The following UBE3A variants were observed in gnomAD, a reference collection of about 807,000 sequenced individuals.
The protein encoded by UBE3A is ubiquitin protein ligase E3A, also known as ubiquitin-protein ligase E3A.
In UBE3A, 6 loss-of-function variants were observed where a neutral mutation model predicts 83.4. The observed-to-expected ratio is 0.07, with a 90% CI of 0.04 to 0.14. The LOEUF (loss-of-function observed/expected upper bound fraction) is 0.14, where lower values mean the gene tolerates loss of function less well. Ranked by LOEUF, UBE3A falls within the 10% of genes least tolerant of loss-of-function variation. UBE3A has a pLI of 1.00. For synonymous variants in UBE3A, 337 were observed against 355.4 expected (o/e 0.95, Z 0.58); for missense variants, 456 against 1,036.1 (o/e 0.44, Z 7.69).
At chr15:25,387,920 G>C (rs2083474481) in intron 4 of UBE3A, among the ~76,000 whole-genome samples, 1 of 152,068 alleles carries the variant, frequency 6.6e-6, no homozygotes, top group Non-Finnish European at 1.5e-5. Context: ...ACTCTAAGAA[G>C]AAATAATCTT....
At chr15:25,343,635 T>C (rs952047432) in intron 11 of UBE3A, among the ~76,000 whole-genome samples, 4 of 152,088 alleles carry the variant, frequency 2.6e-5, no homozygotes, top group African/African-American at 9.7e-5. Context: ...AAAAGATTAA[T>C]AGCTAACTAC....
intron 4 of UBE3A, among the ~76,000 whole-genome samples, chr15:25,394,810 T>C (rs958675078): frequency 6.6e-5 from 10 of 152,200 alleles, no homozygotes; most frequent in Non-Finnish European, 1.0e-4. Flanking sequence ...ACAAACATTT[T>C]GCATAAATTT....
intron 6 of UBE3A, among the ~76,000 whole-genome samples, chr15:25,365,200 ATC>A (rs2078887373): frequency 6.6e-6 from 1 of 152,104 alleles, no homozygotes; most frequent in Non-Finnish European, 1.5e-5. Context: ...TAAAAAAAAA[ATC>A]TGACCTGATA....
At position 25,356,022 on chromosome 15, in the gene UBE3A, T is replaced by C; in HGVS notation, c.1994A>G (p.Tyr665Cys). The change falls in exon 9 of 13, where the codon TAT becomes TGT. Residue 665 changes from tyrosine (Y) to cysteine (C), a missense_variant. This residue lies in a region of UBE3A where 82 missense variants were observed against 199.3 expected (regional missense o/e 0.41). Transcript: ENST00000648336. The stretch of plus-strand genomic sequence containing the variant: ...CATGTCATCTTCCACATTCCCTTCA[T>C]ACTCCAATAAATCTTTTAAACTCTG... ...LYQSLKDLLE[Y>C]EGNVEDDMMI... 1 of 1,613,842 alleles carries C rather than the reference T, an allele frequency of 6.2e-7. No homozygotes were observed.
intron 2 of UBE3A, among the ~76,000 whole-genome samples, chr15:25,409,716 A>G (rs534739360): frequency 6.6e-6 from 1 of 152,152 alleles, no homozygotes; most frequent in Non-Finnish European, 1.5e-5. Context: ...GTAAAGATTC[A>G]GAACACAGAT....
Position 25,334,349 on chromosome 15 carries a change from A to G in UBE3A, c.*4788T>C, listed in dbSNP as rs1282002067. 4 of 152,174 alleles carry G rather than the reference A, an allele frequency of 2.6e-5. No homozygotes were observed. Among genetic ancestry groups the G allele is most frequent in the Non-Finnish European group, 5.9e-5 (4 of 68,030 alleles). The allele number at this position is 152,174 out of a possible 1,614,324, so 9.4% of individuals were successfully genotyped here. On this transcript the variant is annotated 3_prime_UTR_variant, in exon 13 of 13. Coordinates refer to ENST00000648336, the MANE Select transcript of UBE3A (RefSeq NM_130839.5). ...GCATCAGTAAAATACTTAGAAAAAAATTAAAGACGTCAAGACTTGCACACT... is the reference window on the plus strand; with the variant it reads ...GCATCAGTAAAATACTTAGAAAAAAGTTAAAGACGTCAAGACTTGCACACT...
At chr15:25,414,718 C>A (rs2090569513) in intron 1 of UBE3A, among the ~76,000 whole-genome samples, 1 of 152,142 alleles carries the variant, frequency 6.6e-6, no homozygotes, top group African/African-American at 2.4e-5. Flanking sequence ...CAATTGCTAC[C>A]AATTCATCCT....
At chr15:25,391,734 G>T (rs868456803) in intron 4 of UBE3A, 1 of 152,154 alleles carries the variant, frequency 6.6e-6, no homozygotes. Context: ...AAGAAAAGGC[G>T]CAATGAAAGA....
chr15:25,340,129 T>G lies in UBE3A; in HGVS notation c.2454A>C (p.Gly818=). 6.2e-7 allele frequency: 1 copy of G among 1,614,080 alleles called. No homozygotes were observed. Among genetic ancestry groups the G allele is most frequent in the South Asian group, 1.1e-5 (1 of 91,084 alleles). The change falls in exon 12 of 13, where the codon GGA becomes GGC. Residue 818 remains glycine (G), a synonymous_variant. Coordinates refer to ENST00000648336, the MANE Select transcript of UBE3A (RefSeq NM_130839.5). Reference sequence around the variant, plus strand: ...TTTTGGCTATAATCATCTTTAATTTTCCTAGTCCTCCCACAGGTGCTCTGT... The same window carrying G: ...TTTTGGCTATAATCATCTTTAATTTGCCTAGTCCTCCCACAGGTGCTCTGT... The part of the protein sequence containing the change: ...GTDRAPVGGL[G]KLKMIIAKNG...
Position 25,339,109 on chromosome 15 carries a change from T to TA in UBE3A, c.*27_*28insT. ...TTTTTTCTTTTTTTTTCCTTCCTTT[T>TA]TTTTGTTTTATTTTGTTTTGTTTTG... On this transcript the variant is annotated 3_prime_UTR_variant, in exon 13 of 13. Transcript: ENST00000648336. 2 of 1,478,584 alleles carry TA rather than the reference T, an allele frequency of 1.4e-6. No individual in the cohort carries two copies. The highest frequency in any genetic ancestry group is 1.8e-6 in the Non-Finnish European group (2 of 1,108,454). The allele number at this position is 1,478,584 out of a possible 1,614,324, so 91.6% of individuals were successfully genotyped here.
Position 25,336,220 on chromosome 15 carries a change from T to C in UBE3A, c.*2917A>G, listed in dbSNP as rs1447959737. 11 of 152,142 alleles carry C rather than the reference T, an allele frequency of 7.2e-5. No individual in the cohort carries two copies. The highest frequency in any genetic ancestry group is 4.4e-5 in the Non-Finnish European group (3 of 68,028). 9.4% of individuals were successfully genotyped at this position (152,142 alleles called of 1,614,324 possible). A position where few individuals can be genotyped will look rare whatever the true frequency, so the allele number is the denominator to read the frequency against. Reference sequence around the variant, plus strand: ...AAATGGAAGGTGTGTTTTTGGATTATACAGTGGCTCATGGAAGGGTGGGAG... The same window carrying C: ...AAATGGAAGGTGTGTTTTTGGATTACACAGTGGCTCATGGAAGGGTGGGAG... On this transcript the variant is annotated 3_prime_UTR_variant, in exon 13 of 13. Coordinates refer to ENST00000648336, the MANE Select transcript of UBE3A (RefSeq NM_130839.5).
chr15:25,386,793 A>C (rs1453774256), intron 4 of UBE3A, among the ~76,000 whole-genome samples: 1 of 152,076 alleles, frequency 6.6e-6, no homozygotes, highest in Non-Finnish European at 1.5e-5. Context: ...TGAAATATTC[A>C]TAGTGTTGAG....
chr15:25,357,167 T>C lies in UBE3A; in HGVS notation c.1754-271A>G, dbSNP rs75606291. The stretch of plus-strand genomic sequence containing the variant: ...TGGTGGCATCGGGTAGAAAAATACG[T>C]TAATTAAATTCAAGCTTTCTAATTT... On this transcript the variant is annotated intron_variant, in intron 7 of 12. Coordinates refer to ENST00000648336, the MANE Select transcript of UBE3A (RefSeq NM_130839.5). 0.011 allele frequency among the ~76,000 whole-genome samples: 1,726 copies of C among 152,186 alleles called. 9 individuals carry two copies. The highest frequency in any genetic ancestry group is 0.02 in the Non-Finnish European group (1,336 of 67,986).
chr15:25,364,536 A>G (rs1204388209), intron 6 of UBE3A, among the ~76,000 whole-genome samples: 1 of 152,030 alleles, frequency 6.6e-6, no homozygotes, highest in Non-Finnish European at 1.5e-5. Flanking sequence ...ATGCATTAGG[A>G]TATTTGAAAT....
At chr15:25,421,456 C>A (rs950879462) in intron 1 of UBE3A, among the ~76,000 whole-genome samples, 2 of 152,058 alleles carry the variant, frequency 1.3e-5, no homozygotes, top group African/African-American at 4.8e-5. Flanking sequence ...ATGAAATGTG[C>A]CAGACACAAA....
chr15:25,415,044 T>G (rs1183825233), intron 1 of UBE3A, among the ~76,000 whole-genome samples: 2 of 152,206 alleles, frequency 1.3e-5, no homozygotes, highest in African/African-American at 4.8e-5. Context: ...CAAACCCTAA[T>G]TTGTCTGATT....
intron 2 of UBE3A, among the ~76,000 whole-genome samples, chr15:25,410,933 A>C (rs917998038): frequency 2.4e-4 from 36 of 151,558 alleles, no homozygotes; most frequent in African/African-American, 8.8e-4. Context: ...GTGGAATTAG[A>C]AGATTCAAAC....
At chr15:25,387,588 G>C (rs937982844) in intron 4 of UBE3A, among the ~76,000 whole-genome samples, 1 of 151,540 alleles carries the variant, frequency 6.6e-6, no homozygotes, top group Non-Finnish European at 1.5e-5. Context: ...TATGAAACTA[G>C]AAAAAGCAAA....
intron 1 of UBE3A, among the ~76,000 whole-genome samples, chr15:25,413,651 A>G (rs1331890896): frequency 1.3e-5 from 2 of 152,152 alleles, no homozygotes; most frequent in Admixed American, 6.5e-5. Context: ...TTAGCTCCTC[A>G]GAGTACCATT....
Sources: gnomAD v4.1 joint callset for allele counts (sites outside exome capture counted in the v4.1 genomes callset) on GRCh38, gnomAD v4.1.1 for gene constraint, gnomAD v4.1.1 regional missense constraint, MANE v1.5 for transcripts, NCBI Gene and HGNC (gene_info 2026-07-23, HGNC 2026-07-21) for gene names.